The following PCSK5 variants were observed in gnomAD, a reference collection of about 807,000 sequenced individuals.
PCSK5 encodes the protein proprotein convertase subtilisin/kexin type 5.
A neutral mutation model predicts 233.2 loss-of-function variants in PCSK5; 129 were observed. The ratio of observed to expected loss-of-function variants is 0.55; its 90% CI spans 0.48 to 0.64. PCSK5 has a LOEUF of 0.64. Ranked by LOEUF, PCSK5 falls within the 30% of genes least tolerant of loss-of-function variation. PCSK5 has a pLI of 0.00. For missense variants in PCSK5, 2,076 were observed against 2,430.1 expected (o/e 0.85, Z 3.06); for synonymous variants, 825 against 879.2 (o/e 0.94, Z 1.09).
intron 1 of PCSK5, among the ~76,000 whole-genome samples, chr9:75,926,516 C>G (rs1389753207): frequency 6.6e-6 from 1 of 152,168 alleles, no homozygotes; most frequent in East Asian, 1.9e-4. Context: ...CTGTTTCCAG[C>G]ACACACCTTT....
At chr9:76,006,021 C>G (rs1240599448) in intron 3 of PCSK5, among the ~76,000 whole-genome samples, 3 of 143,050 alleles carry the variant, frequency 2.1e-5, no homozygotes, top group Non-Finnish European at 4.6e-5. Context: ...CCACCACGCC[C>G]TTTTTTTTTT....
rs1825584311 is a variant in PCSK5 at position 75,891,281 on chromosome 9, G to A, written c.100G>A (p.Val34Ile). 1 of 1,543,694 alleles carries A rather than the reference G, an allele frequency of 6.5e-7. No individual in the cohort carries two copies. The highest frequency in any genetic ancestry group is 1.4e-5 in the African/African-American group (1 of 69,648). ...CCTGCTCCCCGTGTGTCGGACGCGCGTCTACACCAACCACTGGGCAGTCAA... is the reference window on the plus strand; with the variant it reads ...CCTGCTCCCCGTGTGTCGGACGCGCATCTACACCAACCACTGGGCAGTCAA... ...GCLLPVCRTR[V>I]YTNHWAVKIA... The change falls in exon 1 of 38, where the codon GTC (valine) becomes ATC (isoleucine). Residue 34 changes from valine (V) to isoleucine (I), a missense_variant. Around this residue, in one of 6 missense-constraint regions of PCSK5, gnomAD observed 190 missense variants for 216.3 expected, o/e 0.88. Coordinates refer to ENST00000674117, the MANE Select transcript of PCSK5 (RefSeq NM_001372043.1).
At chr9:76,342,194 A>T (rs1829853721) in intron 35 of PCSK5, among the ~76,000 whole-genome samples, 1 of 152,172 alleles carries the variant, frequency 6.6e-6, no homozygotes, top group Admixed American at 6.5e-5. Flanking sequence ...ACCTGAGCTT[A>T]TAAAATATTT....
chr9:76,250,165 G>T (rs1029729515), intron 24 of PCSK5, among the ~76,000 whole-genome samples: 3 of 152,152 alleles, frequency 2.0e-5, no homozygotes, highest in South Asian at 2.1e-4. Context: ...AGCTGGGCGT[G>T]GTGGTGCGTG....
At position 76,291,757 on chromosome 9, in the gene PCSK5, G is replaced by A. The variant is rs2172844; in HGVS notation, c.3143-476G>A. Among the ~76,000 whole-genome samples the A allele has an allele frequency of 8.5e-3, 1,287 of 152,278 alleles. 10 individuals are homozygous for A. The highest frequency in any genetic ancestry group is 0.024 in the Middle Eastern group (7 of 294). The stretch of plus-strand genomic sequence containing the variant: ...GGGCGTAACATGAAGTGGATACTTG[G>A]GAAAAATAATTGTGCAGATTTCGAA... On this transcript the variant is annotated intron_variant, in intron 24 of 37. Transcript: ENST00000674117.
chr9:76,030,054 T>C (rs1453334128), intron 5 of PCSK5, among the ~76,000 whole-genome samples: 1 of 152,058 alleles, frequency 6.6e-6, no homozygotes, highest in African/African-American at 2.4e-5. Context: ...TAAATTTTAT[T>C]CACAGGAGTA....
At position 76,038,365 on chromosome 9, in the gene PCSK5, C is replaced by T. The variant is rs11144724; in HGVS notation, c.632+11328C>T. On this transcript the variant is annotated intron_variant, in intron 5 of 37. Coordinates refer to ENST00000674117, the MANE Select transcript of PCSK5 (RefSeq NM_001372043.1). ...TAGCAGTTGCCTCGGTCTTGGGACC[C>T]GTTCATTTTAGTTTATGCTAGGTGA... 3.9e-5 allele frequency among the ~76,000 whole-genome samples: 6 copies of T among 152,090 alleles called. No individual in the cohort carries two copies. In the East Asian group the frequency reaches 5.8e-4, roughly 15 times the overall value.
chr9:76,287,603 G>C (rs574108790), intron 24 of PCSK5, among the ~76,000 whole-genome samples: 146 of 152,190 alleles, frequency 9.6e-4, no homozygotes, highest in Middle Eastern at 3.4e-3. Context: ...GGGACTACAG[G>C]CACCTACCAC....
Position 76,332,519 on chromosome 9 carries a change from A to T in PCSK5, c.4657A>T (p.Thr1553Ser). 6.2e-7 allele frequency: 1 copy of T among 1,612,786 alleles called. No individual in the cohort carries two copies. ...RCAHCHSSCR[T>S]CEGRHSRQCH... ...TGCCCACTGCCACAGCTCTTGCAGGACATGTGAAGGGAGACACAGCAGGCA... is the reference window on the plus strand; with the variant it reads ...TGCCCACTGCCACAGCTCTTGCAGGTCATGTGAAGGGAGACACAGCAGGCA... The change falls in exon 34 of 38, where the codon ACA (threonine) becomes TCA (serine). Residue 1553 changes from threonine to serine, a missense_variant. By Grantham distance (58) the Thr-to-Ser change is moderately conservative. Around this residue, in one of 6 missense-constraint regions of PCSK5, gnomAD observed 1,510 missense variants for 1,538.1 expected, o/e 0.98. Transcript: ENST00000674117.
intron 3 of PCSK5, among the ~76,000 whole-genome samples, chr9:76,003,970 A>T (rs770050194): frequency 6.6e-6 from 1 of 151,944 alleles, no homozygotes; most frequent in African/African-American, 2.4e-5. Flanking sequence ...TAATTTTTTT[A>T]TTTTTATTTT....
intron 20 of PCSK5, among the ~76,000 whole-genome samples, chr9:76,214,108 T>G (rs547981476): frequency 9.9e-5 from 15 of 152,144 alleles, no homozygotes; most frequent in Non-Finnish European, 1.8e-4. Context: ...ATTTGAACAC[T>G]TGATTCTACA....
At chr9:76,049,099 TAA>T (rs33912681) in intron 5 of PCSK5, among the ~76,000 whole-genome samples, 11,662 of 146,586 alleles carry the variant, frequency 0.08, 1,451 homozygotes, top group African/African-American at 0.27. Context: ...TTCAAAGGGT[TAA>T]AAAAAAAAAT....
Position 76,107,368 on chromosome 9 carries a change from A to C in PCSK5, c.1208+17A>C, listed in dbSNP as rs900787742. ...GGAAGCCAAGTAAGCCTTGATCTCT[A>C]TATGTCTTCAATGGTGACAACCCCT... On this transcript the variant is annotated intron_variant, in intron 9 of 37. Transcript: ENST00000674117. The C allele has an allele frequency of 6.4e-7, 1 of 1,551,908 alleles. No individual in the cohort carries two copies. Among genetic ancestry groups the C allele is most frequent in the South Asian group, 1.1e-5 (1 of 89,596 alleles).
intron 24 of PCSK5, 44 bp downstream of exon 24, chr9:76,240,728 G>A (rs1826405491): frequency 7.4e-7 from 1 of 1,357,264 alleles, no homozygotes; most frequent in Non-Finnish European, 1.0e-6. Flanking sequence ...AAATAGCTAA[G>A]TCCTTTTCCA....
At chr9:76,103,285 C>G (rs1831838719) in intron 8 of PCSK5, among the ~76,000 whole-genome samples, 1 of 152,164 alleles carries the variant, frequency 6.6e-6, no homozygotes, top group Non-Finnish European at 1.5e-5. Context: ...ACACCAGAAA[C>G]AAATTCAACC....
intron 5 of PCSK5, among the ~76,000 whole-genome samples, chr9:76,043,173 C>T (rs1829200257): frequency 1.3e-5 from 2 of 151,650 alleles, no homozygotes; most frequent in South Asian, 2.1e-4. Flanking sequence ...GGTGAAACCC[C>T]GTCTCTACTA....
At chr9:75,990,453 A>G (rs1377388256) in intron 3 of PCSK5, among the ~76,000 whole-genome samples, 2 of 152,200 alleles carry the variant, frequency 1.3e-5, no homozygotes, top group Non-Finnish European at 2.9e-5. Context: ...AGAGTTTGTT[A>G]TGGAGATGAT....
intron 24 of PCSK5, among the ~76,000 whole-genome samples, chr9:76,275,243 C>T (rs1827653353): frequency 6.6e-6 from 1 of 152,116 alleles, no homozygotes; most frequent in Non-Finnish European, 1.5e-5. Context: ...CCTGTCTCTT[C>T]CTCCTGAAAA....
chr9:76,117,804 C>T (rs998480264), intron 9 of PCSK5, among the ~76,000 whole-genome samples: 1 of 152,080 alleles, frequency 6.6e-6, no homozygotes, highest in Non-Finnish European at 1.5e-5. Flanking sequence ...ATTTGAAAAA[C>T]TTGGTACACA....
Sources: allele counts gnomAD v4.1 joint callset (sites outside exome capture counted in the v4.1 genomes callset), GRCh38; gene constraint gnomAD v4.1.1; regional missense constraint gnomAD v4.1.1; transcripts MANE v1.5; gene names NCBI Gene and HGNC (gene_info 2026-07-23, HGNC 2026-07-21).